Variants in ITPR2 observed in about 807,000 individuals in gnomAD.
The protein encoded by ITPR2 is inositol 1,4,5-trisphosphate receptor type 2.
A neutral mutation model predicts 317.1 loss-of-function variants in ITPR2; 207 were observed. The ratio of observed to expected loss-of-function variants is 0.65; its 90% confidence interval spans 0.58 to 0.73. ITPR2 has a LOEUF of 0.73. Among genes scored for constraint, ITPR2 ranks in the 30% least tolerant of loss-of-function variants. The pLI is 0.00. For synonymous variants in ITPR2, 1,156 were observed against 1,149.1 expected, an observed-to-expected ratio of 1.01 and a Z score of -0.12; for missense variants, 2,613 against 3,284.0, an observed-to-expected ratio of 0.80 and a Z score of 4.99.
intron 55 of ITPR2, among the ~76,000 whole-genome samples, chr12:26,366,475 A>G (rs909725621): frequency 3.9e-5 from 6 of 152,158 alleles, no homozygotes; most frequent in African/African-American, 1.4e-4. Flanking sequence ...TCTATCTTCA[A>G]AATAAAATAC....
chr12:26,802,772 T>C (rs547694587), intron 1 of ITPR2, among the ~76,000 whole-genome samples: 2 of 152,210 alleles, frequency 1.3e-5, no homozygotes, highest in East Asian at 3.9e-4. Flanking sequence ...ATTCTAAATG[T>C]ATATGTAACA....
At chr12:26,699,984 T>G (rs1948416644) in intron 9 of ITPR2, among the ~76,000 whole-genome samples, 1 of 152,212 alleles carries the variant, frequency 6.6e-6, no homozygotes, top group Admixed American at 6.5e-5. Context: ...TCAATAAATA[T>G]TAATAGAGCA....
At chr12:26,458,366 C>A (rs1941938702) in intron 45 of ITPR2, among the ~76,000 whole-genome samples, 1 of 152,104 alleles carries the variant, frequency 6.6e-6, no homozygotes, top group Non-Finnish European at 1.5e-5. Flanking sequence ...TAAGGAGAGG[C>A]TGCTGACGAC....
chr12:26,464,809 G>A (rs992648394), intron 45 of ITPR2, among the ~76,000 whole-genome samples: 2 of 152,178 alleles, frequency 1.3e-5, no homozygotes, highest in African/African-American at 4.8e-5. Flanking sequence ...GCACACACAG[G>A]AGGGACATCC....
Position 26,337,103 on chromosome 12 carries a change from T to C in ITPR2, c.*2294A>G, listed in dbSNP as rs1937941371. The C allele has an allele frequency of 6.6e-6, 1 of 152,136 alleles. No homozygotes were observed. The highest frequency in any genetic ancestry group is 1.5e-5 in the Non-Finnish European group (1 of 67,988). 9.4% of individuals were successfully genotyped at this position (152,136 alleles called of 1,614,324 possible). ...AGAGTCTTGTTAGTTGCAGTCTCTT[T>C]TGAATACTTTCCTTGGGAGAAAATA... On this transcript the variant is annotated 3_prime_UTR_variant, in exon 57 of 57. Coordinates refer to ENST00000381340, the MANE Select transcript of ITPR2 (RefSeq NM_002223.4).
At chr12:26,464,717 T>C (rs998241920) in intron 45 of ITPR2, among the ~76,000 whole-genome samples, 4 of 152,214 alleles carry the variant, frequency 2.6e-5, no homozygotes, top group Non-Finnish European at 5.9e-5. Flanking sequence ...GTTTGGAGTC[T>C]GGTGGAGGAG....
intron 37 of ITPR2, among the ~76,000 whole-genome samples, chr12:26,526,456 T>A (rs1173680424): frequency 1.3e-5 from 2 of 152,176 alleles, no homozygotes; most frequent in Non-Finnish European, 2.9e-5. Context: ...GTGGCTACAC[T>A]ATAATAAAAT....
At chr12:26,509,747 T>C (rs1015782100) in intron 37 of ITPR2, among the ~76,000 whole-genome samples, 4 of 152,174 alleles carry the variant, frequency 2.6e-5, no homozygotes, top group African/African-American at 9.6e-5. Flanking sequence ...TGGAACTGTT[T>C]GAGTCTTGAC....
At position 26,659,121 on chromosome 12, in the gene ITPR2, C is replaced by T; in HGVS notation, c.1878G>A (p.Arg626=). The change falls in exon 16 of 57, where the codon CGG becomes CGA. Residue 626 remains arginine, a synonymous_variant. Transcript: ENST00000381340. ...ETFVSLLRRN[R]EPRFLDYLSD... is the part of the protein sequence containing the mutation. ...CATGAATCATTTCAAACCTTGGCTCCCGATTTCTCCTGAGTAAACTGACAA... is the reference window on the plus strand; with the variant it reads ...CATGAATCATTTCAAACCTTGGCTCTCGATTTCTCCTGAGTAAACTGACAA... 2 of 1,611,008 alleles carry T rather than the reference C, an allele frequency of 1.2e-6. No individual in the cohort carries two copies. Among genetic ancestry groups the T allele is most frequent in the South Asian group, 1.1e-5 (1 of 90,570 alleles).
At chr12:26,542,511 A>G (rs1944289889) in intron 37 of ITPR2, among the ~76,000 whole-genome samples, 1 of 152,240 alleles carries the variant, frequency 6.6e-6, no homozygotes, top group Non-Finnish European at 1.5e-5. Context: ...ACTATGACAT[A>G]GGGTTGAAGA....
intron 2 of ITPR2, among the ~76,000 whole-genome samples, chr12:26,775,362 T>G (rs74072361): frequency 6.6e-6 from 1 of 151,450 alleles, no homozygotes; most frequent in African/African-American, 2.4e-5. Flanking sequence ...AAAACAAACC[T>G]AGAACAATGA....
chr12:26,587,471 A>G (rs965801484), intron 32 of ITPR2, among the ~76,000 whole-genome samples: 6 of 152,164 alleles, frequency 3.9e-5, no homozygotes, highest in Admixed American at 3.3e-4. Context: ...GATACAGGGA[A>G]GTCCAGCATC....
At chr12:26,762,291 C>T (rs899868752) in intron 2 of ITPR2, among the ~76,000 whole-genome samples, 1 of 152,178 alleles carries the variant, frequency 6.6e-6, no homozygotes, top group Non-Finnish European at 1.5e-5. Flanking sequence ...CACTGAAACA[C>T]ATTAAATCAT....
intron 48 of ITPR2, among the ~76,000 whole-genome samples, chr12:26,430,094 G>A (rs1941165178): frequency 6.6e-6 from 1 of 152,184 alleles, no homozygotes; most frequent in African/African-American, 2.4e-5. Flanking sequence ...GTCTAGTATA[G>A]TAGCTTGCAC....
At chr12:26,567,989 TATATATATTATATATATTATATATA>T (rs1565609683) in intron 34 of ITPR2, among the ~76,000 whole-genome samples, 264 of 5,648 alleles carry the variant, frequency 0.047, 9 homozygotes, top group Non-Finnish European at 0.2. Flanking sequence ...TATATATATA[TATATATATTATATATATTATATATA>T]TATATATATA....
intron 19 of ITPR2, among the ~76,000 whole-genome samples, chr12:26,656,060 T>TA (rs1947362605): frequency 1.3e-5 from 2 of 152,196 alleles, no homozygotes; most frequent in Admixed American, 1.3e-4. Context: ...ATTAAGTACT[T>TA]ACAATTCTTG....
chr12:26,345,208 TTC>T (rs1938267416), intron 55 of ITPR2, among the ~76,000 whole-genome samples: 1 of 152,158 alleles, frequency 6.6e-6, no homozygotes, highest in African/African-American at 2.4e-5. Flanking sequence ...TTGCTTTCTG[TTC>T]TCTTTTTTGA....
intron 26 of ITPR2, among the ~76,000 whole-genome samples, chr12:26,607,312 A>G (rs965428544): frequency 6.6e-6 from 1 of 151,338 alleles, no homozygotes; most frequent in Non-Finnish European, 1.5e-5. Flanking sequence ...CAAAACATGC[A>G]AAAAAAAATT....
chr12:26,421,086 G>A (rs1467213156), intron 49 of ITPR2, among the ~76,000 whole-genome samples: 1 of 151,920 alleles, frequency 6.6e-6, no homozygotes, highest in Non-Finnish European at 1.5e-5. Flanking sequence ...TAAAAATTAC[G>A]CAGAAAAACT....
Sources: allele counts gnomAD v4.1 joint callset (sites outside exome capture counted in the v4.1 genomes callset), GRCh38; gene constraint gnomAD v4.1.1; transcripts MANE v1.5; gene names NCBI Gene and HGNC (gene_info 2026-07-23, HGNC 2026-07-21).